Variants in SNX29 observed in about 807,000 individuals in gnomAD.
The protein encoded by SNX29 is sorting nexin 29.
In SNX29, 78 loss-of-function variants were observed where a neutral mutation model predicts 102.1. The ratio of observed to expected loss-of-function variants is 0.76; its 90% CI spans 0.64 to 0.92. SNX29 has a LOEUF of 0.92. Ranked by LOEUF, SNX29 falls within the 40% of genes least tolerant of loss-of-function variation. The pLI is 0.00. For missense variants in SNX29, 1,280 were observed against 1,061.7 expected, an observed-to-expected ratio of 1.21 and a Z score of -2.86; for synonymous variants, 580 against 414.5, an observed-to-expected ratio of 1.40 and a Z score of -4.85.
chr16:12,294,650 C>T (rs2079919490), intron 15 of SNX29, among the ~76,000 whole-genome samples: 1 of 152,150 alleles, frequency 6.6e-6, no homozygotes, highest in Non-Finnish European at 1.5e-5. Flanking sequence ...AGCACAGTTC[C>T]TCTCTGGGTA....
At chr16:12,372,719 G>T (rs1456465844) in intron 16 of SNX29, 1 of 152,212 alleles carries the variant, frequency 6.6e-6, no homozygotes, top group Non-Finnish European at 1.5e-5. Flanking sequence ...CGTTTGACTT[G>T]AGTTTTTAAG....
intron 14 of SNX29, among the ~76,000 whole-genome samples, chr16:12,234,900 C>A (rs1468108784): frequency 6.6e-6 from 1 of 152,168 alleles, no homozygotes; most frequent in Non-Finnish European, 1.5e-5. Flanking sequence ...CAGCTCCCTA[C>A]CTTACACGTG....
intron 20 of SNX29, among the ~76,000 whole-genome samples, chr16:12,562,447 A>C (rs546280302): frequency 6.6e-6 from 1 of 152,294 alleles, no homozygotes; most frequent in Admixed American, 6.5e-5. Context: ...TGCTAGTTTG[A>C]CTTTGATCCC....
intron 12 of SNX29, among the ~76,000 whole-genome samples, chr16:12,128,038 C>A (rs1428784125): frequency 6.6e-6 from 1 of 152,098 alleles, no homozygotes; most frequent in East Asian, 1.9e-4. Context: ...ATTTTTGGTC[C>A]TGCTTGACAA....
At chr16:12,110,022 C>G (rs2053439481) in intron 11 of SNX29, among the ~76,000 whole-genome samples, 3 of 152,192 alleles carry the variant, frequency 2.0e-5, no homozygotes, top group Admixed American at 2.0e-4. Context: ...AGCCACCGTG[C>G]CCGGCCCTCG....
intron 14 of SNX29, among the ~76,000 whole-genome samples, chr16:12,206,461 T>C (rs561017581): frequency 4.6e-4 from 70 of 151,568 alleles, no homozygotes; most frequent in Non-Finnish European, 8.8e-4. Context: ...CTTCTATGTC[T>C]GATTTCAGAC....
chr16:12,218,510 G>A (rs1413171726), intron 14 of SNX29, among the ~76,000 whole-genome samples: 1 of 152,208 alleles, frequency 6.6e-6, no homozygotes, highest in African/African-American at 2.4e-5. Context: ...GAGTTGAATA[G>A]TTCTTGCAGA....
chr16:12,564,625 A>G (rs1042148067), intron 20 of SNX29, among the ~76,000 whole-genome samples: 1 of 151,172 alleles, frequency 6.6e-6, no homozygotes, highest in African/African-American at 2.5e-5. Context: ...TAGTCCCAGC[A>G]TTAACAGAGT....
At chr16:12,180,020 C>G (rs1254836122) in intron 13 of SNX29, among the ~76,000 whole-genome samples, 2 of 152,118 alleles carry the variant, frequency 1.3e-5, no homozygotes, top group Admixed American at 6.5e-5. Context: ...AACTTCGGGT[C>G]TCTTTATTCC....
At chr16:12,319,150 C>G (rs1160857935) in intron 15 of SNX29, among the ~76,000 whole-genome samples, 2 of 152,136 alleles carry the variant, frequency 1.3e-5, no homozygotes, top group Admixed American at 1.3e-4. Flanking sequence ...CATTCCAGCC[C>G]TTGTATAAGG....
chr16:12,326,542 A>G (rs2081125807), intron 15 of SNX29, among the ~76,000 whole-genome samples: 1 of 152,076 alleles, frequency 6.6e-6, no homozygotes, highest in Admixed American at 6.5e-5. Flanking sequence ...ACAGGCAGTC[A>G]TAGGTGATAC....
At chr16:12,555,887 C>T (rs978188382) in intron 20 of SNX29, among the ~76,000 whole-genome samples, 1 of 152,136 alleles carries the variant, frequency 6.6e-6, no homozygotes, top group Non-Finnish European at 1.5e-5. Context: ...GCTTTCTGCC[C>T]TCCTGTTCTT....
intron 20 of SNX29, among the ~76,000 whole-genome samples, chr16:12,539,861 T>G (rs867891964): frequency 6.6e-6 from 1 of 152,252 alleles, no homozygotes; most frequent in Non-Finnish European, 1.5e-5. Context: ...GTCCAAGTAT[T>G]TTGCCTGTTC....
At chr16:12,516,213 C>G (rs1567643223) in intron 19 of SNX29, among the ~76,000 whole-genome samples, 1 of 152,168 alleles carries the variant, frequency 6.6e-6, no homozygotes, top group Admixed American at 6.5e-5. Flanking sequence ...GGCGTGGTGG[C>G]TCACACCTGT....
At chr16:12,430,301 G>C (rs557973900) in intron 18 of SNX29, among the ~76,000 whole-genome samples, 1 of 152,344 alleles carries the variant, frequency 6.6e-6, no homozygotes, top group South Asian at 2.1e-4. Flanking sequence ...TCTGCACAGT[G>C]GGGGCAATGC....
At chr16:12,279,494 C>T (rs375069475) in intron 15 of SNX29, among the ~76,000 whole-genome samples, 1 of 152,182 alleles carries the variant, frequency 6.6e-6, no homozygotes, top group African/African-American at 2.4e-5. Flanking sequence ...CTCCTGTGTG[C>T]TCTCTGCCCA....
intron 18 of SNX29, among the ~76,000 whole-genome samples, chr16:12,413,731 C>A (rs1227012008): frequency 1.3e-5 from 2 of 152,230 alleles, no homozygotes; most frequent in Non-Finnish European, 2.9e-5. Context: ...GCTGGACGAT[C>A]CTCACGCCAG....
intron 13 of SNX29, among the ~76,000 whole-genome samples, chr16:12,149,056 C>A (rs1358582750): frequency 2.0e-5 from 3 of 152,162 alleles, no homozygotes; most frequent in Non-Finnish European, 1.5e-5. Context: ...CTGGACAATG[C>A]CTGGCACATA....
At chr16:11,980,260 C>T (rs950358064) in intron 1 of SNX29, among the ~76,000 whole-genome samples, 5 of 152,124 alleles carry the variant, frequency 3.3e-5, no homozygotes, top group African/African-American at 1.2e-4. Flanking sequence ...TGAAATCATA[C>T]AGTATGTGAC....
Sources: allele counts gnomAD v4.1 joint callset (sites outside exome capture counted in the v4.1 genomes callset), GRCh38; gene constraint gnomAD v4.1.1; transcripts MANE v1.5; gene names NCBI Gene and HGNC (gene_info 2026-07-23, HGNC 2026-07-21).